PBX4: variants seen among roughly 807,000 people sequenced by gnomAD.
The protein encoded by PBX4 is PBX homeobox 4.
Under a neutral mutation model 35.1 loss-of-function variants are expected in PBX4, and 26 were observed. That is an observed-to-expected ratio of 0.74 (90% confidence interval 0.54 to 1.03). The LOEUF (loss-of-function observed/expected upper bound fraction) is 1.03. Among genes scored for constraint, PBX4 ranks in the 50% least tolerant of loss-of-function variants. The pLI is 0.00. For missense variants in PBX4, 448 were observed against 504.3 expected (o/e 0.89, Z 1.07); for synonymous variants, 199 against 204.2 (o/e 0.97, Z 0.22).
intron 2 of PBX4, among the ~76,000 whole-genome samples, chr19:19,591,815 C>A (rs1052281892): frequency 6.6e-6 from 1 of 152,222 alleles, no homozygotes; most frequent in Non-Finnish European, 1.5e-5. Flanking sequence ...ATTCAGGCCA[C>A]GCCTCAGTCC....
At chr19:19,605,647 T>A (rs1052505637) in intron 1 of PBX4, among the ~76,000 whole-genome samples, 2 of 151,196 alleles carry the variant, frequency 1.3e-5, no homozygotes, top group African/African-American at 2.4e-5. Flanking sequence ...AATAAATAAA[T>A]AAAACAGAGA....
chr19:19,603,776 G>C (rs2061612180), intron 1 of PBX4, among the ~76,000 whole-genome samples: 1 of 152,054 alleles, frequency 6.6e-6, no homozygotes, highest in Non-Finnish European at 1.5e-5. Context: ...GGCCAACATA[G>C]TGAGACAATG....
Position 19,563,684 on chromosome 19 carries a change from CA to C in PBX4, c.926-70del. The C allele has an allele frequency of 2.2e-6, 3 of 1,359,180 alleles. No individual in the cohort carries two copies. The highest frequency in any genetic ancestry group is 3.1e-6 in the Non-Finnish European group (3 of 975,834). The allele number at this position is 1,359,180 out of a possible 1,614,324, so 84.2% of individuals were successfully genotyped here. On this transcript the variant is annotated intron_variant, in intron 6 of 7. Transcript: ENST00000251203. This position sits in a 1 kb window ranked among gnomAD's most constrained non-coding sequence, Gnocchi z 5.1. ...CTCAGGTGGAACCCACCCAGCCCCTCAGCCGGCAGGAGGCCTCGAATGTGGC... is the reference window on the plus strand; with the variant it reads ...CTCAGGTGGAACCCACCCAGCCCCTCGCCGGCAGGAGGCCTCGAATGTGGC...
At chr19:19,591,777 T>C (rs2061529891) in intron 2 of PBX4, among the ~76,000 whole-genome samples, 1 of 152,266 alleles carries the variant, frequency 6.6e-6, no homozygotes, top group South Asian at 2.1e-4. Flanking sequence ...AGGCTGTCCC[T>C]GCTCTGGTGC....
At chr19:19,576,099 G>A (rs775931705) in intron 2 of PBX4, among the ~76,000 whole-genome samples, 1 of 102,028 alleles carries the variant, frequency 9.8e-6, no homozygotes, top group African/African-American at 2.7e-5. Flanking sequence ...ATTCATTTAT[G>A]TATTTAGGGG....
At chr19:19,597,701 A>G (rs1370623885) in intron 2 of PBX4, among the ~76,000 whole-genome samples, 6 of 152,230 alleles carry the variant, frequency 3.9e-5, no homozygotes, top group Non-Finnish European at 8.8e-5. Context: ...TCAAGAGACC[A>G]ACTCACTCTA....
chr19:19,605,863 T>G (rs2061627985), intron 1 of PBX4, among the ~76,000 whole-genome samples: 2 of 137,596 alleles, frequency 1.5e-5, no homozygotes, highest in African/African-American at 5.6e-5. Context: ...TTTTTTTTTT[T>G]ACCAGTTTTC....
At chr19:19,589,053 G>A (rs935908226) in intron 2 of PBX4, among the ~76,000 whole-genome samples, 2 of 152,050 alleles carry the variant, frequency 1.3e-5, no homozygotes, top group African/African-American at 4.8e-5. Flanking sequence ...ACTTGAGCCC[G>A]GGAATTCAAG....
intron 1 of PBX4, among the ~76,000 whole-genome samples, chr19:19,615,935 C>T (rs1052696521): frequency 6.6e-6 from 1 of 152,148 alleles, no homozygotes; most frequent in African/African-American, 2.4e-5. Context: ...ATGCATTATC[C>T]ACCTTTTTAT....
chr19:19,575,617 A>G (rs1276069188), intron 2 of PBX4, among the ~76,000 whole-genome samples: 1 of 151,922 alleles, frequency 6.6e-6, no homozygotes, highest in Non-Finnish European at 1.5e-5. Context: ...GCCCTTTGTG[A>G]CCTGCGGAGG....
In PBX4 at chr19:19,564,984, C is replaced by T. The variant is rs746995103; in HGVS notation, c.874G>A (p.Glu292Lys). Reference sequence around the variant, plus strand: ...GCGTGGTTCCCTGGGACCCCAACTTCCGTGGTATCCACAGCCGTTTTACCC... The same window carrying T: ...GCGTGGTTCCCTGGGACCCCAACTTTCGTGGTATCCACAGCCGTTTTACCC... ...YTGKTAVDTT[E>K]VGVPGNHASC... Residue 292 changes from glutamate (E) to lysine (K), a missense_variant, in exon 6 of 8, where the codon GAA becomes AAA. Glu to Lys is a moderately conservative substitution (Grantham distance 56). Transcript: ENST00000251203. The T allele has an allele frequency of 5.0e-6, 8 of 1,614,214 alleles. No homozygotes were observed. Among genetic ancestry groups the T allele is most frequent in the Non-Finnish European group, 6.8e-6 (8 of 1,180,032 alleles).
At chr19:19,565,288 G>T (rs1050154370) in intron 5 of PBX4, among the ~76,000 whole-genome samples, 199 bp from the exon 6 acceptor site, 1 of 152,226 alleles carries the variant, frequency 6.6e-6, no homozygotes, top group Non-Finnish European at 1.5e-5. Flanking sequence ...ATGGGTTGAG[G>T]ACACCCTGGA....
chr19:19,597,850 C>T (rs1433261203), intron 2 of PBX4, among the ~76,000 whole-genome samples: 1 of 152,148 alleles, frequency 6.6e-6, no homozygotes, highest in Non-Finnish European at 1.5e-5. Flanking sequence ...AGTGACAGGA[C>T]ATATTGACAG....
At chr19:19,577,777 T>C (rs2061429189) in intron 2 of PBX4, among the ~76,000 whole-genome samples, 1 of 151,766 alleles carries the variant, frequency 6.6e-6, no homozygotes, top group East Asian at 1.9e-4. Context: ...GGGAATCGCT[T>C]GGAACTGTGA....
At chr19:19,617,500 T>C (rs1003056261) in intron 1 of PBX4, among the ~76,000 whole-genome samples, 1 of 151,988 alleles carries the variant, frequency 6.6e-6, no homozygotes, top group African/African-American at 2.4e-5. Flanking sequence ...TCCAGGTTGG[T>C]CTCGAACTCC....
chr19:19,580,617 G>A (rs1286513612), intron 2 of PBX4, among the ~76,000 whole-genome samples: 2 of 152,212 alleles, frequency 1.3e-5, no homozygotes, highest in Admixed American at 1.3e-4. Context: ...AAGGCATTCT[G>A]GCAAGGTGCT....
intron 2 of PBX4, among the ~76,000 whole-genome samples, chr19:19,575,635 C>G (rs1306325832): frequency 6.6e-6 from 1 of 152,172 alleles, no homozygotes; most frequent in Non-Finnish European, 1.5e-5. Flanking sequence ...AGGAAAGTCT[C>G]TCCCCTCCCA....
chr19:19,564,635 A>T (rs556533080), intron 6 of PBX4: 4 of 325,056 alleles, frequency 1.2e-5, no homozygotes, highest in Non-Finnish European at 1.7e-5. Context: ...TCCTGACCTC[A>T]GGTGATCCAC....
chr19:19,575,791 G>A (rs566872371), intron 2 of PBX4, among the ~76,000 whole-genome samples: 12 of 152,292 alleles, frequency 7.9e-5, no homozygotes, highest in African/African-American at 2.9e-4. Context: ...GACAAGCACA[G>A]ATGTCCCACG....
Sources: gnomAD v4.1 joint callset for allele counts (sites outside exome capture counted in the v4.1 genomes callset) on GRCh38, gnomAD v4.1.1 for gene constraint, Gnocchi (gnomAD v3.1) non-coding constraint, MANE v1.5 for transcripts, NCBI Gene and HGNC (gene_info 2026-07-23, HGNC 2026-07-21) for gene names.